VPS8: variants seen among roughly 807,000 people sequenced by gnomAD.
VPS8 encodes the protein vacuolar protein sorting-associated protein 8 homolog.
VPS8 carries 129 observed loss-of-function variants against 216.4 expected under a neutral mutation model. The ratio of observed to expected loss-of-function variants is 0.60; its 90% CI spans 0.52 to 0.69. The LOEUF is 0.69. VPS8 is among the 30% of genes least tolerant of loss of function. VPS8 has a pLI of 0.00. For missense variants in VPS8, 1,531 were observed against 1,683.5 expected, an observed-to-expected ratio of 0.91 and a Z score of 1.59; for synonymous variants, 571 against 565.4, an observed-to-expected ratio of 1.01 and a Z score of -0.14.
intron 21 of VPS8, among the ~76,000 whole-genome samples, chr3:184,878,718 G>A (rs1216919924): frequency 2.0e-5 from 3 of 152,040 alleles, no homozygotes; most frequent in Admixed American, 2.0e-4. Flanking sequence ...TGAGGAGTCA[G>A]GTCTTTCCTA....
intron 8 of VPS8, among the ~76,000 whole-genome samples, chr3:184,845,755 CAA>C (rs36003760): frequency 3.4e-4 from 27 of 80,564 alleles, no homozygotes; most frequent in African/African-American, 5.1e-4. Flanking sequence ...AACTCCGTCT[CAA>C]AAAAAAAAAA....
chr3:184,903,091 G>A (rs2109002251), intron 25 of VPS8, among the ~76,000 whole-genome samples: 1 of 152,232 alleles, frequency 6.6e-6, no homozygotes, highest in African/African-American at 2.4e-5. Flanking sequence ...AAAGTCAAGT[G>A]ACCATATAAC....
chr3:184,954,837 G>C (rs762772364), intron 36 of VPS8, among the ~76,000 whole-genome samples: 1 of 152,152 alleles, frequency 6.6e-6, no homozygotes, highest in African/African-American at 2.4e-5. Flanking sequence ...ATACAAATTA[G>C]ATATAGAGAT....
chr3:184,960,652 G>A (rs1746355473), intron 37 of VPS8, among the ~76,000 whole-genome samples: 2 of 151,894 alleles, frequency 1.3e-5, no homozygotes, highest in Non-Finnish European at 2.9e-5. Context: ...TCTCTTTTTT[G>A]TATGCTTCAG....
intron 46 of VPS8, among the ~76,000 whole-genome samples, chr3:185,029,689 C>T (rs1214939671): frequency 6.6e-6 from 1 of 152,018 alleles, no homozygotes; most frequent in Non-Finnish European, 1.5e-5. Flanking sequence ...TGCAGCCTCC[C>T]AAGTAGCTGG....
intron 37 of VPS8, among the ~76,000 whole-genome samples, chr3:184,962,768 T>TGTTTGTG (rs1746751351): frequency 6.6e-6 from 1 of 150,498 alleles, no homozygotes; most frequent in African/African-American, 2.4e-5. Context: ...TGTGTGTGTC[T>TGTTTGTG]TATTTCCTTT....
intron 18 of VPS8, among the ~76,000 whole-genome samples, chr3:184,868,637 G>T (rs890171570): frequency 1.3e-5 from 2 of 152,268 alleles, no homozygotes; most frequent in South Asian, 4.1e-4. Context: ...TAAGCTTGGG[G>T]TTTGTTACTA....
intron 39 of VPS8, among the ~76,000 whole-genome samples, chr3:184,967,822 A>G (rs1166436886): frequency 6.9e-6 from 1 of 145,854 alleles, no homozygotes; most frequent in East Asian, 2.0e-4. Flanking sequence ...GGGTGTCGCA[A>G]CAGAGCAAAA....
intron 45 of VPS8, among the ~76,000 whole-genome samples, chr3:185,018,473 G>C (rs746960512): frequency 1.3e-5 from 2 of 152,190 alleles, no homozygotes; most frequent in Non-Finnish European, 2.9e-5. Flanking sequence ...ACCCCCAAAA[G>C]TTGGTCTGCA....
rs1216243113 is a variant in VPS8 at position 184,902,291 on chromosome 3, T to C, written c.2146+1319T>C. On this transcript the variant is annotated intron_variant, in intron 25 of 47. Transcript: ENST00000625842. The stretch of plus-strand genomic sequence containing the variant: ...AGGAGTTCAAGACCAGCCTGGCCAA[T>C]ATGGTGAAACCCCGTCTCTACCAAA... 2.3e-4 allele frequency among the ~76,000 whole-genome samples: 33 copies of C among 140,776 alleles called. No homozygotes were observed. The East Asian group carries it at 2.4e-3, about 10-fold the overall frequency. 92.4% of individuals were successfully genotyped at this position (140,776 alleles called of 152,430 possible).
chr3:184,977,108 G>A (rs1343377349), intron 40 of VPS8, among the ~76,000 whole-genome samples: 9 of 151,968 alleles, frequency 5.9e-5, no homozygotes, highest in African/African-American at 1.7e-4. Flanking sequence ...CCTTTCCTCC[G>A]CAGCGTTGTG....
At chr3:184,937,599 A>C (rs1741870734) in intron 35 of VPS8, among the ~76,000 whole-genome samples, 1 of 152,194 alleles carries the variant, frequency 6.6e-6, no homozygotes, top group South Asian at 2.1e-4. Context: ...TAGGAACAAG[A>C]GAAGAGGGTG....
In VPS8 at chr3:184,832,819, G is replaced by C; in HGVS notation, c.353G>C (p.Arg118Thr). Reference sequence around the variant, plus strand: ...AGTGGTGACAGGACCAACTTAAAAAGGTAGGTATTCATGTCAATCATACTT... The same window carrying C: ...AGTGGTGACAGGACCAACTTAAAAACGTAGGTATTCATGTCAATCATACTT... ...SDSGDRTNLKRKKKLPDSFSL... is the reference protein window; with the variant it reads ...SDSGDRTNLKTKKKLPDSFSL... Residue 118 changes from arginine to threonine, a missense_variant and splice_region_variant, in exon 4 of 48, where the codon AGG becomes ACG. Physicochemically the swap from Arg to Thr is moderately conservative, Grantham distance 71. This residue lies in a region of VPS8 where 199 missense variants were observed against 182.2 expected (regional missense o/e 1.09). Coordinates refer to ENST00000625842, the MANE Select transcript of VPS8 (RefSeq NM_001009921.3). The C allele has an allele frequency of 1.9e-6, 3 of 1,605,964 alleles. No individual in the cohort carries two copies. Among genetic ancestry groups the C allele is most frequent in the Non-Finnish European group, 2.6e-6 (3 of 1,176,108 alleles).
intron 45 of VPS8, among the ~76,000 whole-genome samples, chr3:185,018,157 A>C (rs190804924): frequency 6.6e-6 from 1 of 152,304 alleles, no homozygotes; most frequent in African/African-American, 2.4e-5. Flanking sequence ...AGAATCAACT[A>C]AATGTGCTTT....
rs1459210803 is a variant in VPS8, at chr3:184,959,595, C to CAACGTATAAAA, written c.3183+2075_3183+2076insACGTATAAAAA. Among the ~76,000 whole-genome samples, 22 of 152,250 alleles carry CAACGTATAAAA rather than the reference C, an allele frequency of 1.4e-4. No homozygotes were observed. In the East Asian group the frequency reaches 4.1e-3, roughly 28 times the overall value. On this transcript the variant is annotated intron_variant, in intron 37 of 47. Coordinates refer to ENST00000625842, the MANE Select transcript of VPS8 (RefSeq NM_001009921.3). ...GAAAGCAACGTATAAAAAGTATCAGCAGTGTTTCAAACAAGTCATAAAAAA... is the reference window on the plus strand; with the variant it reads ...GAAAGCAACGTATAAAAAGTATCAGCAACGTATAAAAAGTGTTTCAAACAAGTCATAAAAAA...
chr3:184,888,334 C>T (rs1226700585), intron 22 of VPS8, among the ~76,000 whole-genome samples: 15 of 152,164 alleles, frequency 9.9e-5, no homozygotes, highest in South Asian at 4.2e-4. Flanking sequence ...TGAGGGCCTA[C>T]GGGAGAAATT....
At chr3:184,898,196 A>G (rs1427104150) in intron 23 of VPS8, among the ~76,000 whole-genome samples, 1 of 152,124 alleles carries the variant, frequency 6.6e-6, no homozygotes, top group Non-Finnish European at 1.5e-5. Context: ...GGTAGGGACA[A>G]AGTCTGGATT....
At chr3:185,007,076 T>A (rs777337591) in intron 45 of VPS8, among the ~76,000 whole-genome samples, 5 of 152,214 alleles carry the variant, frequency 3.3e-5, no homozygotes, top group Non-Finnish European at 5.9e-5. Flanking sequence ...CATAGATGTG[T>A]TGGGAGTTAT....
intron 46 of VPS8, among the ~76,000 whole-genome samples, chr3:185,046,339 G>C (rs571698114): frequency 8.5e-5 from 13 of 152,252 alleles, no homozygotes; most frequent in Admixed American, 4.6e-4. Flanking sequence ...CCCCTAATTT[G>C]CTTCTGAATA....
Sources: gnomAD v4.1 joint callset for allele counts (sites outside exome capture counted in the v4.1 genomes callset) on GRCh38, gnomAD v4.1.1 for gene constraint, gnomAD v4.1.1 regional missense constraint, MANE v1.5 for transcripts, NCBI Gene and HGNC (gene_info 2026-07-23, HGNC 2026-07-21) for gene names.